Variants in CTNNA2 observed in about 807,000 individuals in gnomAD.
The protein encoded by CTNNA2 is catenin alpha 2.
In CTNNA2, 42 loss-of-function variants were observed where a neutral mutation model predicts 101.0. The ratio of observed to expected loss-of-function variants is 0.42; its 90% CI spans 0.32 to 0.54. The LOEUF is 0.54. CTNNA2 is among the 20% of genes least tolerant of loss of function. The probability of loss-of-function intolerance (pLI) is 0.14; values close to 1 mark genes in which losing one functional copy is unlikely to be tolerated. For missense variants in CTNNA2, 871 were observed against 1,223.1 expected, an observed-to-expected ratio of 0.71 and a Z score of 4.29; for synonymous variants, 450 against 456.4, an observed-to-expected ratio of 0.99 and a Z score of 0.18.
intron 7 of CTNNA2, among the ~76,000 whole-genome samples, chr2:80,331,100 T>C (rs879800037): frequency 2.0e-5 from 3 of 151,866 alleles, no homozygotes; most frequent in Non-Finnish European, 4.4e-5. Flanking sequence ...AACAGTCCAT[T>C]TCCACGGGCC....
intron 7 of CTNNA2, among the ~76,000 whole-genome samples, chr2:79,965,455 A>G (rs1191354237): frequency 2.6e-5 from 4 of 152,188 alleles, no homozygotes; most frequent in African/African-American, 9.7e-5. Context: ...ATGACTTTAC[A>G]GACTTTAGTC....
intron 2 of CTNNA2, among the ~76,000 whole-genome samples, chr2:79,688,361 G>A (rs928984828): frequency 1.3e-5 from 2 of 151,834 alleles, no homozygotes; most frequent in Admixed American, 6.6e-5. Context: ...ATAATTTTGT[G>A]TACTCTGTTT....
At chr2:80,360,503 G>C (rs555757109) in intron 7 of CTNNA2, among the ~76,000 whole-genome samples, 1 of 152,198 alleles carries the variant, frequency 6.6e-6, no homozygotes, top group South Asian at 2.1e-4. Flanking sequence ...AGTGGTAAGA[G>C]TGAAAGTGGA....
intron 2 of CTNNA2, among the ~76,000 whole-genome samples, chr2:79,203,194 T>C (rs1301652053): frequency 6.6e-6 from 1 of 152,194 alleles, no homozygotes; most frequent in Non-Finnish European, 1.5e-5. Flanking sequence ...CTTTGAAAGT[T>C]GGCAGTCCCC....
In CTNNA2 at chr2:80,164,197, G is replaced by A. The variant is rs560744689; in HGVS notation, c.1057-229014G>A. Among the ~76,000 whole-genome samples the A allele has an allele frequency of 2.0e-5, 3 of 146,472 alleles. No homozygotes were observed. In the South Asian group the frequency reaches 6.2e-4, roughly 30 times the overall value. ...GCTTAAGTCTGCCATTTTATTTTTT[G>A]TTTTCTGTTTGTTTTCTCTGTTTTT... On this transcript the variant is annotated intron_variant, in intron 7 of 18. Transcript: ENST00000402739.
intron 6 of CTNNA2, among the ~76,000 whole-genome samples, chr2:79,889,040 A>T (rs528770109): frequency 3.3e-5 from 5 of 152,216 alleles, no homozygotes; most frequent in Admixed American, 1.3e-4. Flanking sequence ...GTGATTTCTT[A>T]TGTTAGTACT....
rs34091714 is a variant in CTNNA2 at position 80,331,021 on chromosome 2, G to GT, written c.1057-62172dup. Among the ~76,000 whole-genome samples, 700 of 139,684 alleles carry GT rather than the reference G, an allele frequency of 5.0e-3. 2 individuals are homozygous for GT. The highest frequency in any genetic ancestry group is 0.01 in the South Asian group (45 of 4,352). The allele number at this position is 139,684 out of a possible 152,430, so 91.6% of individuals were successfully genotyped here. A position where few individuals can be genotyped will look rare whatever the true frequency, so the allele number is the denominator to read the frequency against. On this transcript the variant is annotated intron_variant, in intron 7 of 18. Coordinates refer to ENST00000402739, the MANE Select transcript of CTNNA2 (RefSeq NM_001282597.3). ...TTCAGAGCATGCCTTTAAACTGTAT[G>GT]TTTTTTTTTTTTTTTTTTCCTTCCC...
At chr2:80,131,255 C>T (rs1203192416) in intron 7 of CTNNA2, among the ~76,000 whole-genome samples, 1 of 152,120 alleles carries the variant, frequency 6.6e-6, no homozygotes, top group Non-Finnish European at 1.5e-5. Flanking sequence ...CACGAGATTT[C>T]ACTGTGTTAG....
At chr2:79,785,173 G>A (rs1674743546) in intron 3 of CTNNA2, among the ~76,000 whole-genome samples, 1 of 152,078 alleles carries the variant, frequency 6.6e-6, no homozygotes, top group Admixed American at 6.6e-5. Flanking sequence ...ATGTAACTGG[G>A]TTTGTGCCAC....
chr2:80,481,449 C>T lies in CTNNA2; in HGVS notation c.1290+61848C>T, dbSNP rs187137916. On this transcript the variant is annotated intron_variant, in intron 9 of 18. Transcript: ENST00000402739. ...CAGGAACTTAAAAGTGTTTGGTGCA[C>T]GGTAAAGGCTTAATACATGACAGGT... 8.5e-5 allele frequency among the ~76,000 whole-genome samples: 13 copies of T among 152,090 alleles called. No homozygotes were observed. The East Asian group carries it at 1.7e-3, about 20-fold the overall frequency.
At chr2:79,292,693 A>G (rs559627262) in intron 2 of CTNNA2, among the ~76,000 whole-genome samples, 110 of 152,344 alleles carry the variant, frequency 7.2e-4, no homozygotes, top group African/African-American at 2.5e-3. Context: ...AACAAAAAAA[A>G]TAACGTTATG....
intron 18 of CTNNA2, among the ~76,000 whole-genome samples, chr2:80,641,003 TC>T (rs1357550974): frequency 6.6e-6 from 1 of 152,190 alleles, no homozygotes; most frequent in Admixed American, 6.5e-5. Context: ...GCTATGCTAT[TC>T]CCATTTTAAA....
intron 2 of CTNNA2, among the ~76,000 whole-genome samples, chr2:79,659,540 CTGTT>C (rs779732441): frequency 1.3e-5 from 2 of 152,154 alleles, no homozygotes; most frequent in Non-Finnish European, 2.9e-5. Context: ...TCCATTAAGA[CTGTT>C]TGATGTTTGA....
intron 2 of CTNNA2, among the ~76,000 whole-genome samples, chr2:79,685,266 A>G (rs1056001272): frequency 2.0e-5 from 3 of 152,228 alleles, no homozygotes; most frequent in African/African-American, 7.2e-5. Context: ...TTTATGTATC[A>G]TTGAACAAAT....
chr2:79,659,215 CTTTTTTT>C (rs5832398), intron 2 of CTNNA2, among the ~76,000 whole-genome samples: 1 of 135,822 alleles, frequency 7.4e-6, no homozygotes, highest in Non-Finnish European at 1.6e-5. Flanking sequence ...TCCAGTGCCT[CTTTTTTT>C]TTTTTTTTTT....
At chr2:79,289,311 G>A (rs1675723021) in intron 2 of CTNNA2, among the ~76,000 whole-genome samples, 1 of 152,116 alleles carries the variant, frequency 6.6e-6, no homozygotes, top group Admixed American at 6.6e-5. Context: ...TTGTTTCTGT[G>A]AGCAGCTAGA....
intron 2 of CTNNA2, among the ~76,000 whole-genome samples, chr2:79,225,284 T>G (rs1674394162): frequency 1.3e-5 from 2 of 152,204 alleles, no homozygotes; most frequent in Admixed American, 1.3e-4. Flanking sequence ...CTCCATGTCC[T>G]TGCTAACCTT....
At chr2:79,865,567 G>C (rs987004948) in intron 4 of CTNNA2, among the ~76,000 whole-genome samples, 1 of 151,944 alleles carries the variant, frequency 6.6e-6, no homozygotes, top group African/African-American at 2.4e-5. Flanking sequence ...GGTATAGCCA[G>C]CAATTTTCTA....
At chr2:80,323,568 T>C (rs1455263190) in intron 7 of CTNNA2, among the ~76,000 whole-genome samples, 2 of 152,162 alleles carry the variant, frequency 1.3e-5, no homozygotes, top group Admixed American at 6.5e-5. Context: ...TGGTTTCTTA[T>C]TGACCTTCTC....
Sources: gnomAD v4.1 joint callset for allele counts (sites outside exome capture counted in the v4.1 genomes callset) on GRCh38, gnomAD v4.1.1 for gene constraint, MANE v1.5 for transcripts, NCBI Gene and HGNC (gene_info 2026-07-23, HGNC 2026-07-21) for gene names.